SDHC: variants seen among roughly 807,000 people sequenced by gnomAD.
The protein encoded by SDHC is succinate dehydrogenase cytochrome b560 subunit, mitochondrial.
In SDHC, 11 loss-of-function variants were observed where a neutral mutation model predicts 22.6. That is an observed-to-expected ratio of 0.49 (90% confidence interval 0.31 to 0.81). The LOEUF (loss-of-function observed/expected upper bound fraction) is 0.81, where lower values mean the gene tolerates loss of function less well. Ranked by LOEUF, SDHC falls within the 30% of genes least tolerant of loss-of-function variation. SDHC has a pLI of 0.05. For synonymous variants in SDHC, 80 were observed against 77.8 expected (o/e 1.03, Z -0.15); for missense variants, 160 against 212.0 (o/e 0.75, Z 1.52).
intron 3 of SDHC, among the ~76,000 whole-genome samples, chr1:161,338,257 T>C (rs1266506457): frequency 6.6e-6 from 1 of 152,196 alleles, no homozygotes; most frequent in Admixed American, 6.5e-5. Flanking sequence ...ATCAGAGTGG[T>C]ATCTAGTTAG....
At chr1:161,316,345 C>A (rs915723952) in intron 1 of SDHC, among the ~76,000 whole-genome samples, 1 of 152,230 alleles carries the variant, frequency 6.6e-6, no homozygotes, top group Non-Finnish European at 1.5e-5. Flanking sequence ...GAGGTCCTTG[C>A]GGCCTACCGC....
intron 5 of SDHC, 150 bp from the exon 6 acceptor site, chr1:161,362,179 A>T (rs933611265): frequency 2.2e-6 from 2 of 906,946 alleles, no homozygotes; most frequent in Admixed American, 2.2e-5. Flanking sequence ...TGAGAAGGGT[A>T]AAGGTGGGGC....
At chr1:161,348,180 G>A (rs950543714) in intron 4 of SDHC, among the ~76,000 whole-genome samples, 4 of 150,906 alleles carry the variant, frequency 2.7e-5, no homozygotes, top group African/African-American at 4.9e-5. Context: ...TTTTTGAGAT[G>A]GAGTCTTGCC....
rs185732891 is a variant in SDHC at position 161,359,428 on chromosome 1, G to C, written c.405+2588G>C. Among the ~76,000 whole-genome samples, 323 of 152,308 alleles carry C rather than the reference G, an allele frequency of 2.1e-3. 2 individuals carry two copies. The highest frequency in any genetic ancestry group is 7.3e-3 in the African/African-American group (302 of 41,562). Reference sequence around the variant, plus strand: ...TAAAATGACTTTTTACTTCCCTGAGGGGGAGGCAGTAGAGAGGGAGGACAT... The same window carrying C: ...TAAAATGACTTTTTACTTCCCTGAGCGGGAGGCAGTAGAGAGGGAGGACAT... On this transcript the variant is annotated intron_variant, in intron 5 of 5. Coordinates refer to ENST00000367975, the MANE Select transcript of SDHC (RefSeq NM_003001.5).
At chr1:161,335,507 T>A (rs1005933413) in intron 3 of SDHC, among the ~76,000 whole-genome samples, 27 of 152,176 alleles carry the variant, frequency 1.8e-4, no homozygotes, top group Non-Finnish European at 3.7e-4. Flanking sequence ...TTTGTTTGTT[T>A]TGATAGGGTA....
chr1:161,332,330 T>C (rs1218711433), intron 3 of SDHC, among the ~76,000 whole-genome samples: 2 of 152,154 alleles, frequency 1.3e-5, no homozygotes, highest in East Asian at 3.8e-4. Context: ...CACATTTTAC[T>C]ATAAAGAGCA....
At chr1:161,357,344 A>G (rs1672323024) in intron 5 of SDHC, among the ~76,000 whole-genome samples, 2 of 152,156 alleles carry the variant, frequency 1.3e-5, no homozygotes, top group Non-Finnish European at 2.9e-5. Flanking sequence ...GAGCAATGGT[A>G]TAGGCCTCAC....
intron 3 of SDHC, among the ~76,000 whole-genome samples, chr1:161,337,496 G>A (rs895311479): frequency 5.9e-5 from 9 of 152,170 alleles, no homozygotes; most frequent in South Asian, 2.1e-4. Flanking sequence ...TTTTGAGGCC[G>A]TCGGTCATCA....
intron 4 of SDHC, among the ~76,000 whole-genome samples, chr1:161,350,294 G>A (rs1015995420): frequency 6.6e-6 from 1 of 152,058 alleles, no homozygotes; most frequent in African/African-American, 2.4e-5. Flanking sequence ...CAAGTGATCC[G>A]CCTACCTTGG....
intron 1 of SDHC, chr1:161,314,726 G>C: frequency 2.1e-6 from 1 of 472,778 alleles, no homozygotes; most frequent in Non-Finnish European, 3.8e-6. Context: ...CCTGCACCCA[G>C]AGCCGAGCTC....
chr1:161,324,553 A>G (rs1409017119), intron 2 of SDHC, among the ~76,000 whole-genome samples: 1 of 152,182 alleles, frequency 6.6e-6, no homozygotes, highest in Non-Finnish European at 1.5e-5. Flanking sequence ...ACATTTGCCA[A>G]CTGTTAACAT....
intron 1 of SDHC, among the ~76,000 whole-genome samples, chr1:161,323,016 T>G (rs1670893852): frequency 6.6e-6 from 1 of 152,176 alleles, no homozygotes; most frequent in Admixed American, 6.5e-5. Flanking sequence ...ATTTTTTTTT[T>G]GAGACAGAGT....
chr1:161,354,875 C>A (rs56028608), intron 4 of SDHC, among the ~76,000 whole-genome samples: 16,262 of 151,648 alleles, frequency 0.11, 1,376 homozygotes, highest in African/African-American at 0.22. Context: ...ACAACTGGCT[C>A]ATTTTTGTAT....
At chr1:161,344,828 A>C (rs1210372529) in intron 4 of SDHC, among the ~76,000 whole-genome samples, 1 of 152,244 alleles carries the variant, frequency 6.6e-6, no homozygotes, top group Admixed American at 6.5e-5. Context: ...GATGAAAAAC[A>C]TGATACCTTT....
intron 4 of SDHC, among the ~76,000 whole-genome samples, chr1:161,345,930 C>T (rs865781346): frequency 1.1e-4 from 16 of 152,108 alleles, no homozygotes; most frequent in South Asian, 4.2e-4. Flanking sequence ...CTCAGCCTCC[C>T]GGGTAGCTGG....
chr1:161,350,120 G>C (rs963279712), intron 4 of SDHC, among the ~76,000 whole-genome samples: 3 of 152,154 alleles, frequency 2.0e-5, no homozygotes, highest in African/African-American at 7.2e-5. Flanking sequence ...ATGTTGGCCA[G>C]GCTAGTCTTG....
chr1:161,338,688 G>A (rs1451864968), intron 3 of SDHC, among the ~76,000 whole-genome samples: 3 of 152,138 alleles, frequency 2.0e-5, no homozygotes, highest in Admixed American at 2.0e-4. Context: ...GGAAATAAGT[G>A]GTATGTTCAG....
intron 4 of SDHC, among the ~76,000 whole-genome samples, chr1:161,349,020 C>T (rs1487477216): frequency 6.6e-6 from 1 of 152,024 alleles, no homozygotes; most frequent in Non-Finnish European, 1.5e-5. Flanking sequence ...CAACATAAAG[C>T]ATGAGATTAG....
chr1:161,348,699 T>G (rs1671992880), intron 4 of SDHC, among the ~76,000 whole-genome samples: 1 of 147,462 alleles, frequency 6.8e-6, no homozygotes. Context: ...TAGCCAGTTG[T>G]GGGTGGCGCA....
Sources: allele counts gnomAD v4.1 joint callset (sites outside exome capture counted in the v4.1 genomes callset), GRCh38; gene constraint gnomAD v4.1.1; transcripts MANE v1.5; gene names NCBI Gene and HGNC (gene_info 2026-07-23, HGNC 2026-07-21).